The following SUPT16H variants were observed in gnomAD, a reference collection of about 807,000 sequenced individuals.
SUPT16H encodes FACT complex subunit SPT16.
In SUPT16H, 24 loss-of-function variants were observed where a neutral mutation model predicts 136.2. The ratio of observed to expected loss-of-function variants is 0.18; its 90% confidence interval spans 0.13 to 0.25. SUPT16H has a LOEUF of 0.25. Among genes scored for constraint, SUPT16H ranks in the 10% least tolerant of loss-of-function variants. The probability of loss-of-function intolerance (pLI) is 1.00; values close to 1 mark genes in which losing one functional copy is unlikely to be tolerated. For missense variants in SUPT16H, 623 were observed against 1,270.2 expected, an observed-to-expected ratio of 0.49 and a Z score of 7.74; for synonymous variants, 415 against 428.2, an observed-to-expected ratio of 0.97 and a Z score of 0.38.
intron 22 of SUPT16H, among the ~76,000 whole-genome samples, chr14:21,356,908 G>A (rs1189508069): frequency 3.3e-5 from 5 of 152,176 alleles, no homozygotes; most frequent in African/African-American, 1.2e-4. Context: ...TGGGAGGATC[G>A]CTTGAGCCCA....
chr14:21,356,091 T>TG (rs1208294294), intron 22 of SUPT16H, among the ~76,000 whole-genome samples: 1 of 152,218 alleles, frequency 6.6e-6, no homozygotes, highest in Non-Finnish European at 1.5e-5. Context: ...CACAACCTGA[T>TG]GGTCTCCAGG....
At chr14:21,370,028 A>G (rs1886752325) in intron 4 of SUPT16H, 132 bp from the exon 5 acceptor site, 1 of 1,119,730 alleles carries the variant, frequency 8.9e-7, no homozygotes, top group African/African-American at 1.6e-5. Context: ...AGAATATTCA[A>G]ACATTCTCTT....
chr14:21,375,145 C>T (rs187112869), intron 1 of SUPT16H, among the ~76,000 whole-genome samples: 1 of 151,858 alleles, frequency 6.6e-6, no homozygotes, highest in African/African-American at 2.4e-5. Context: ...TCCCAAGTAG[C>T]GGGACTTCAG....
At position 21,363,523 on chromosome 14, in the gene SUPT16H, G is replaced by A; in HGVS notation, c.1234-20C>T. The A allele has an allele frequency of 4.4e-6, 7 of 1,606,618 alleles. No homozygotes were observed. The highest frequency in any genetic ancestry group is 5.9e-6 in the Non-Finnish European group (7 of 1,177,238). ...GCCATCCTAGAATTAAAAGGAGAAT[G>A]AAGACACATTATTTAAAAGAGGCAA... On this transcript the variant is annotated intron_variant, in intron 10 of 25. Transcript: ENST00000216297.
At chr14:21,363,602 C>G in intron 10 of SUPT16H, 99 bp from the exon 11 acceptor site, 1 of 1,016,024 alleles carries the variant, frequency 9.8e-7, no homozygotes, top group Non-Finnish European at 1.5e-6. Flanking sequence ...CTTTTGGACA[C>G]TAAAATGTTT....
chr14:21,363,415 C>T (rs1181639327), intron 11 of SUPT16H, 23 bp downstream of exon 11: 2 of 1,612,156 alleles, frequency 1.2e-6, no homozygotes, highest in East Asian at 2.2e-5. Context: ...ACTTCCTATA[C>T]TACTTATCTA....
chr14:21,351,490 C>A lies in SUPT16H; in HGVS notation c.*1183G>T. ...TCACAGGTGAATTTACAAAAACAAA[C>A]AACAAAAAAAACCCAGTTTATTCAT... On this transcript the variant is annotated 3_prime_UTR_variant, in exon 26 of 26. Transcript: ENST00000216297. 3.4e-6 allele frequency: 1 copy of A among 295,546 alleles called. No individual in the cohort carries two copies. The highest frequency in any genetic ancestry group is 5.6e-5 in the East Asian group (1 of 17,786). 18.3% of individuals were successfully genotyped at this position (295,546 alleles called of 1,614,324 possible).
chr14:21,362,374 T>C (rs967535547), intron 14 of SUPT16H, 50 bp from the exon 15 acceptor site: 42 of 1,575,158 alleles, frequency 2.7e-5, no homozygotes, highest in Non-Finnish European at 3.5e-5. Flanking sequence ...TCCTAGAGAT[T>C]AGTAGTTACA....
At chr14:21,358,456 C>T in intron 19 of SUPT16H, 29 bp from the exon 20 acceptor site, 3 of 1,507,132 alleles carry the variant, frequency 2.0e-6, no homozygotes, top group Non-Finnish European at 1.8e-6. Flanking sequence ...TCAAATACAG[C>T]CATCACATTT....
chr14:21,358,797 GTTGT>G lies in SUPT16H; in HGVS notation c.2302-374_2302-371del, dbSNP rs1390019015. Among the ~76,000 whole-genome samples, 57 of 151,590 alleles carry G rather than the reference GTTGT, an allele frequency of 3.8e-4. 1 individual carries two copies. Among genetic ancestry groups the G allele is most frequent in the Non-Finnish European group, 7.4e-5 (5 of 68,010 alleles). On this transcript the variant is annotated intron_variant, in intron 19 of 25. Coordinates refer to ENST00000216297, the MANE Select transcript of SUPT16H (RefSeq NM_007192.4). ...GTTGCTCTGCACAAACAGATTCAGG[GTTGT>G]TTATTTATTTATTTATTTATTTTTG...
intron 1 of SUPT16H, 42 bp from the exon 2 acceptor site, chr14:21,373,472 C>T (rs371302506): frequency 7.2e-7 from 1 of 1,390,186 alleles, no homozygotes; most frequent in Non-Finnish European, 1.0e-6. Context: ...TTCACACTAG[C>T]AAAACAGGAA....
rs1194985643 is a variant in SUPT16H, at chr14:21,360,521, G to A, written c.2069C>T (p.Thr690Ile). 1 of 1,612,558 alleles carries A rather than the reference G, an allele frequency of 6.2e-7. No individual in the cohort carries two copies. The highest frequency in any genetic ancestry group is 8.5e-7 in the Non-Finnish European group (1 of 1,179,114). ...LEAHVNGFRF[T>I]SVRGDKVDIL... ...ATCCACTTTGTCTCCTCGAACAGATGTGAAGCGGAAGCCTGGGGAAAAGAA... is the reference window on the plus strand; with the variant it reads ...ATCCACTTTGTCTCCTCGAACAGATATGAAGCGGAAGCCTGGGGAAAAGAA... Residue 690 changes from threonine to isoleucine, a missense_variant, in exon 18 of 26, where the codon ACA (threonine) becomes ATA (isoleucine). Thr to Ile is a moderately conservative substitution (Grantham distance 89). Around this residue, in one of 7 missense-constraint regions of SUPT16H, gnomAD observed 21 missense variants for 140.3 expected, o/e 0.15. Coordinates refer to ENST00000216297, the MANE Select transcript of SUPT16H (RefSeq NM_007192.4).
chr14:21,375,311 G>A (rs1443333473), intron 1 of SUPT16H, among the ~76,000 whole-genome samples: 3 of 152,070 alleles, frequency 2.0e-5, no homozygotes, highest in Non-Finnish European at 4.4e-5. Context: ...CACCACGCCC[G>A]GCCCTCACTG....
chr14:21,354,294 G>A, intron 23 of SUPT16H, 117 bp downstream of exon 23: 1 of 1,248,142 alleles, frequency 8.0e-7, no homozygotes, highest in East Asian at 2.6e-5. Context: ...ATCAAGTGGT[G>A]TTTAGAGCTT....
At chr14:21,373,203 C>T (rs1411188447) in intron 2 of SUPT16H, 135 bp downstream of exon 2, 4 of 707,594 alleles carry the variant, frequency 5.7e-6, no homozygotes, top group South Asian at 1.6e-5. Flanking sequence ...GCCTCGGCCT[C>T]CCAAAGTGCT....
intron 1 of SUPT16H, among the ~76,000 whole-genome samples, chr14:21,381,357 G>T (rs1254882236): frequency 6.6e-6 from 1 of 152,108 alleles, no homozygotes; most frequent in Non-Finnish European, 1.5e-5. Flanking sequence ...AGATAGGTAA[G>T]GTTAATTCCT....
At chr14:21,355,507 TAATAATAAAA>T (rs1262864997) in intron 22 of SUPT16H, among the ~76,000 whole-genome samples, 1 of 47,782 alleles carries the variant, frequency 2.1e-5, no homozygotes, top group Non-Finnish European at 3.8e-5. Flanking sequence ...AAATATATAA[TAATAATAAAA>T]AAAAAAAAAA....
chr14:21,376,491 C>T (rs895687455), intron 1 of SUPT16H, among the ~76,000 whole-genome samples: 2 of 152,114 alleles, frequency 1.3e-5, no homozygotes, highest in Non-Finnish European at 2.9e-5. Context: ...TTCTCTACCA[C>T]AACAAAATAT....
At chr14:21,378,844 T>C (rs1293290750) in intron 1 of SUPT16H, among the ~76,000 whole-genome samples, 2 of 152,322 alleles carry the variant, frequency 1.3e-5, no homozygotes, top group South Asian at 2.1e-4. Context: ...TAAAAAACTA[T>C]ATCTATTACT....
Sources: allele counts gnomAD v4.1 joint callset (sites outside exome capture counted in the v4.1 genomes callset), GRCh38; gene constraint gnomAD v4.1.1; regional missense constraint gnomAD v4.1.1; transcripts MANE v1.5; gene names NCBI Gene and HGNC (gene_info 2026-07-23, HGNC 2026-07-21).